The following STK32B variants were observed in gnomAD, a reference collection of about 807,000 sequenced individuals.
The protein encoded by STK32B is serine/threonine-protein kinase 32B.
In STK32B, 43 loss-of-function variants were observed where a neutral mutation model predicts 52.6. The ratio of observed to expected loss-of-function variants is 0.82; its 90% confidence interval spans 0.64 to 1.05. The LOEUF is 1.05. Among genes scored for constraint, STK32B ranks in the 50% least tolerant of loss-of-function variants. The pLI, the probability that STK32B is intolerant of heterozygous loss-of-function variation, is 0.00. For missense variants in STK32B, 621 were observed against 534.6 expected (o/e 1.16, Z -1.59); for synonymous variants, 238 against 204.3 (o/e 1.17, Z -1.41).
At chr4:5,192,646 T>C (rs1721307484) in intron 3 of STK32B, among the ~76,000 whole-genome samples, 1 of 152,232 alleles carries the variant, frequency 6.6e-6, no homozygotes, top group Non-Finnish European at 1.5e-5. Flanking sequence ...GATGTTTTGA[T>C]ATGTGTACAC....
chr4:5,413,398 C>T (rs927214955), intron 5 of STK32B, among the ~76,000 whole-genome samples: 1 of 152,304 alleles, frequency 6.6e-6, no homozygotes, highest in Admixed American at 6.5e-5. Flanking sequence ...CACCATTTCT[C>T]TGCTATACTT....
At chr4:5,297,542 C>T (rs1422943873) in intron 3 of STK32B, among the ~76,000 whole-genome samples, 1 of 151,316 alleles carries the variant, frequency 6.6e-6, no homozygotes, top group Non-Finnish European at 1.5e-5. Context: ...AATCTCTGAT[C>T]CTTTCTTCCA....
chr4:5,041,619 T>G, the STK32B span, among the ~76,000 whole-genome samples: 5 of 151,434 alleles, frequency 3.3e-5, no homozygotes, highest in Middle Eastern at 3.2e-3. Flanking sequence ...TGGACCCCTA[T>G]TTTGAGTGAG....
chr4:5,426,622 G>A (rs534377811), intron 6 of STK32B, among the ~76,000 whole-genome samples: 13 of 142,920 alleles, frequency 9.1e-5, no homozygotes, highest in African/African-American at 2.3e-4. Context: ...GCCAGGAGGC[G>A]GAGGTTGCAA....
chr4:5,160,926 G>A (rs1484920017), intron 2 of STK32B, among the ~76,000 whole-genome samples: 4 of 152,204 alleles, frequency 2.6e-5, no homozygotes, highest in Non-Finnish European at 5.9e-5. Context: ...GGAGGCAAGG[G>A]CCCAAGACCT....
chr4:5,093,688 T>A (rs1330668686), intron 1 of STK32B, among the ~76,000 whole-genome samples: 4 of 151,476 alleles, frequency 2.6e-5, no homozygotes, highest in Admixed American at 2.6e-4. Flanking sequence ...GTTGTGCACA[T>A]GTACCCTAAA....
intron 5 of STK32B, among the ~76,000 whole-genome samples, chr4:5,404,229 A>G (rs1000681342): frequency 2.0e-5 from 3 of 152,126 alleles, no homozygotes; most frequent in Non-Finnish European, 4.4e-5. Context: ...TCACGGTGTC[A>G]GCATGGCCCT....
intron 2 of STK32B, among the ~76,000 whole-genome samples, chr4:5,140,774 C>T (rs1470867967): frequency 6.6e-6 from 1 of 152,148 alleles, no homozygotes; most frequent in African/African-American, 2.4e-5. Flanking sequence ...TCCCTCCTTG[C>T]CTAGTTTTAT....
intron 3 of STK32B, among the ~76,000 whole-genome samples, chr4:5,241,628 AGGTTT>A (rs1725029396): frequency 6.6e-6 from 1 of 151,892 alleles, no homozygotes; most frequent in Non-Finnish European, 1.5e-5. Context: ...CACAACATGC[AGGTTT>A]GTTACATATG....
chr4:5,189,752 G>A (rs914433102), intron 3 of STK32B, among the ~76,000 whole-genome samples: 1 of 152,140 alleles, frequency 6.6e-6, no homozygotes, highest in Admixed American at 6.5e-5. Context: ...CAAAATGGCT[G>A]TGCCATTTTG....
chr4:5,145,118 A>G (rs952679904), intron 2 of STK32B, among the ~76,000 whole-genome samples: 6 of 152,156 alleles, frequency 3.9e-5, no homozygotes, highest in Non-Finnish European at 8.8e-5. Context: ...TTTTTTTCTC[A>G]TTATTTTAGT....
chr4:5,477,649 TCACTC>T (rs1271296084), intron 11 of STK32B, among the ~76,000 whole-genome samples: 1 of 152,158 alleles, frequency 6.6e-6, no homozygotes, highest in Non-Finnish European at 1.5e-5. Flanking sequence ...CTGCTGCTTC[TCACTC>T]CACTCCATAT....
intron 4 of STK32B, among the ~76,000 whole-genome samples, chr4:5,352,634 T>G (rs1234548539): frequency 7.0e-6 from 1 of 143,720 alleles, no homozygotes; most frequent in African/African-American, 2.6e-5. Context: ...AAAAAAAACG[T>G]CCAAACTAAA....
At chr4:5,032,383 G>C in the STK32B span, among the ~76,000 whole-genome samples, 1 of 142,922 alleles carries the variant, frequency 7.0e-6, no homozygotes, top group Non-Finnish European at 1.5e-5. Context: ...TGAGGTGGGA[G>C]AATTGCTTCA....
intron 4 of STK32B, among the ~76,000 whole-genome samples, chr4:5,354,397 C>G (rs921063700): frequency 3.9e-5 from 6 of 152,224 alleles, no homozygotes; most frequent in African/African-American, 1.2e-4. Flanking sequence ...TCCTGAGTAG[C>G]TGGGATTACA....
At chr4:5,249,206 G>A (rs1011552231) in intron 3 of STK32B, among the ~76,000 whole-genome samples, 3 of 152,116 alleles carry the variant, frequency 2.0e-5, no homozygotes, top group African/African-American at 7.2e-5. Flanking sequence ...GTTTATGGAA[G>A]GTTTCTACCT....
intron 2 of STK32B, among the ~76,000 whole-genome samples, chr4:5,140,650 C>G (rs1716369522): frequency 6.6e-6 from 1 of 152,158 alleles, no homozygotes; most frequent in African/African-American, 2.4e-5. Context: ...GAAGGCTGAC[C>G]AGGAACCTGC....
At chr4:5,480,889 A>G (rs1421862209) in intron 11 of STK32B, among the ~76,000 whole-genome samples, 3 of 152,136 alleles carry the variant, frequency 2.0e-5, no homozygotes, top group African/African-American at 4.8e-5. Flanking sequence ...AGCTTCATCC[A>G]TGTCCCTACA....
chr4:5,361,756 T>G (rs1192515688), intron 4 of STK32B, among the ~76,000 whole-genome samples: 1 of 152,260 alleles, frequency 6.6e-6, no homozygotes, highest in Non-Finnish European at 1.5e-5. Flanking sequence ...TAAGGAATTC[T>G]GATTTTATTA....
Sources: allele counts gnomAD v4.1 joint callset (sites outside exome capture counted in the v4.1 genomes callset), GRCh38; gene constraint gnomAD v4.1.1; transcripts MANE v1.5; gene names NCBI Gene and HGNC (gene_info 2026-07-23, HGNC 2026-07-21).